FRS2: variants seen among roughly 807,000 people sequenced by gnomAD.
FRS2 encodes FGFR signalling adaptor.
In FRS2, 8 loss-of-function variants were observed where a neutral mutation model predicts 43.9. That is an observed-to-expected ratio of 0.18 (90% CI 0.11 to 0.33). FRS2 has a LOEUF of 0.33. FRS2 is among the 10% of genes least tolerant of loss of function. The pLI is 1.00. For missense variants in FRS2, 534 were observed against 627.6 expected (o/e 0.85, Z 1.59); for synonymous variants, 219 against 220.3 (o/e 0.99, Z 0.05).
chr12:69,566,139 T>G (rs1026375045), intron 4 of FRS2, among the ~76,000 whole-genome samples: 3 of 152,078 alleles, frequency 2.0e-5, no homozygotes, highest in Non-Finnish European at 2.9e-5. Flanking sequence ...AACCAAACAT[T>G]TGTTATGTGG....
At chr12:69,500,689 A>G (rs538796317) in intron 1 of FRS2, among the ~76,000 whole-genome samples, 22 of 152,162 alleles carry the variant, frequency 1.4e-4, no homozygotes, top group Admixed American at 2.6e-4. Flanking sequence ...ATCTTTTTAT[A>G]TATGAACTGT....
chr12:69,526,804 A>C (rs190559432), intron 1 of FRS2, among the ~76,000 whole-genome samples: 1 of 151,988 alleles, frequency 6.6e-6, no homozygotes, highest in African/African-American at 2.4e-5. Flanking sequence ...GCTCACTGCA[A>C]TCTCCGCCTC....
chr12:69,564,785 A>T (rs1380215614), intron 4 of FRS2, among the ~76,000 whole-genome samples: 1 of 152,172 alleles, frequency 6.6e-6, no homozygotes, highest in African/African-American at 2.4e-5. Flanking sequence ...TTTAAAATGC[A>T]CTTCTGACCG....
At chr12:69,570,096 T>TG (rs1880619968) in intron 5 of FRS2, among the ~76,000 whole-genome samples, 1 of 152,240 alleles carries the variant, frequency 6.6e-6, no homozygotes, top group Non-Finnish European at 1.5e-5. Context: ...CATTCCTTTG[T>TG]CAATTAATCA....
chr12:69,546,986 G>A (rs1247579700), intron 3 of FRS2, among the ~76,000 whole-genome samples: 2 of 152,116 alleles, frequency 1.3e-5, no homozygotes, highest in African/African-American at 4.8e-5. Context: ...ACAGATGAAT[G>A]GATAAGTAAA....
At chr12:69,516,022 G>A (rs1045570684) in intron 1 of FRS2, among the ~76,000 whole-genome samples, 1 of 151,732 alleles carries the variant, frequency 6.6e-6, no homozygotes, top group African/African-American at 2.4e-5. Flanking sequence ...TTTCTGTGAT[G>A]TCAATTAAGC....
chr12:69,545,874 TCAA>T (rs1878359107), intron 3 of FRS2, among the ~76,000 whole-genome samples: 1 of 152,198 alleles, frequency 6.6e-6, no homozygotes, highest in Admixed American at 6.5e-5. Context: ...AACAGTCTCT[TCAA>T]CAAGTGATGC....
intron 1 of FRS2, chr12:69,480,313 T>A (rs1490222885): frequency 6.6e-6 from 1 of 152,256 alleles, no homozygotes; most frequent in Non-Finnish European, 1.5e-5. Flanking sequence ...TGGCAACCAC[T>A]ATTTGAGTTT....
intron 3 of FRS2, among the ~76,000 whole-genome samples, chr12:69,534,905 A>T (rs912557056): frequency 2.6e-4 from 40 of 152,146 alleles, no homozygotes; most frequent in African/African-American, 9.2e-4. Context: ...TGATAGATAC[A>T]TATTTTTATT....
At chr12:69,559,522 A>G (rs1264205603) in intron 3 of FRS2, among the ~76,000 whole-genome samples, 4 of 152,262 alleles carry the variant, frequency 2.6e-5, no homozygotes, top group African/African-American at 9.6e-5. Flanking sequence ...ATGGATGCTT[A>G]AAAATAGTCA....
At chr12:69,512,395 T>C (rs913776444) in intron 1 of FRS2, among the ~76,000 whole-genome samples, 20 of 152,224 alleles carry the variant, frequency 1.3e-4, no homozygotes, top group African/African-American at 4.8e-4. Context: ...AAGACTTATT[T>C]GTGCAAGCCT....
intron 1 of FRS2, among the ~76,000 whole-genome samples, chr12:69,487,654 T>G (rs1198083872): frequency 2.6e-5 from 4 of 152,260 alleles, no homozygotes; most frequent in Admixed American, 6.5e-5. Flanking sequence ...TAATTTTGAC[T>G]TTCAAGTCTT....
chr12:69,483,463 T>C (rs1175482316), intron 1 of FRS2, among the ~76,000 whole-genome samples: 1 of 152,218 alleles, frequency 6.6e-6, no homozygotes, highest in African/African-American at 2.4e-5. Context: ...TTTGTTTTAA[T>C]TCATAAAGTG....
At chr12:69,544,395 A>T (rs1199433531) in intron 3 of FRS2, among the ~76,000 whole-genome samples, 2 of 152,114 alleles carry the variant, frequency 1.3e-5, no homozygotes, top group South Asian at 2.1e-4. Flanking sequence ...TTCATGATTT[A>T]AAAAAACACT....
At chr12:69,479,978 A>G (rs1200829442) in intron 1 of FRS2, among the ~76,000 whole-genome samples, 1 of 151,718 alleles carries the variant, frequency 6.6e-6, no homozygotes, top group Admixed American at 6.6e-5. Flanking sequence ...TATATTGTCC[A>G]TTTCATTATC....
At position 69,574,021 on chromosome 12, in the gene FRS2, A is replaced by G; in HGVS notation, c.593A>G (p.Asn198Ser). ...TTGTTTTAGGTACATACCTATGTCA[A>G]CACTACAGGTGTGCAAGAAGAGCGG... The part of the protein sequence containing the change: ...VAEEQVHTYV[N>S]TTGVQEERKN... Residue 198 changes from asparagine (N) to serine (S), a missense_variant, in exon 9 of 9, where the codon AAC becomes AGC. Transcript: ENST00000549921. The G allele has an allele frequency of 6.2e-7, 1 of 1,608,470 alleles. No homozygotes were observed. Among genetic ancestry groups the G allele is most frequent in the Non-Finnish European group, 8.5e-7 (1 of 1,178,024 alleles).
chr12:69,476,810 A>G (rs1870830725), intron 1 of FRS2, among the ~76,000 whole-genome samples: 1 of 152,036 alleles, frequency 6.6e-6, no homozygotes. Context: ...GGTGACTGTT[A>G]AATTAAGGCT....
chr12:69,522,540 G>A (rs1875788457), intron 1 of FRS2, among the ~76,000 whole-genome samples: 1 of 151,908 alleles, frequency 6.6e-6, no homozygotes, highest in East Asian at 1.9e-4. Context: ...TTTTCAAAAA[G>A]CCAACTCCTG....
chr12:69,540,223 A>C (rs972972283), intron 3 of FRS2, among the ~76,000 whole-genome samples: 1 of 152,140 alleles, frequency 6.6e-6, no homozygotes, highest in Non-Finnish European at 1.5e-5. Flanking sequence ...ACTGCACTCC[A>C]GCCTGGACGA....
Sources: allele counts gnomAD v4.1 joint callset (sites outside exome capture counted in the v4.1 genomes callset), GRCh38; gene constraint gnomAD v4.1.1; transcripts MANE v1.5; gene names NCBI Gene and HGNC (gene_info 2026-07-23, HGNC 2026-07-21).